Variants in MLIP observed in about 807,000 individuals in gnomAD.
MLIP encodes the protein muscular LMNA interacting protein, also known as muscular LMNA-interacting protein.
In MLIP, 79 loss-of-function variants were observed where a neutral mutation model predicts 84.8. The ratio of observed to expected loss-of-function variants is 0.93; its 90% CI spans 0.78 to 1.12. The LOEUF (loss-of-function observed/expected upper bound fraction) is 1.12. Ranked by LOEUF, MLIP falls within the 50% of genes most tolerant of loss-of-function variation. The pLI is 0.00. For missense variants in MLIP, 1,257 were observed against 1,160.6 expected, an observed-to-expected ratio of 1.08 and a Z score of -1.21; for synonymous variants, 504 against 463.0, an observed-to-expected ratio of 1.09 and a Z score of -1.14.
intron 12 of MLIP, among the ~76,000 whole-genome samples, chr6:54,249,667 G>T (rs1290721786): frequency 1.3e-5 from 2 of 151,122 alleles, no homozygotes; most frequent in Non-Finnish European, 2.9e-5. Flanking sequence ...CTATTCTCAA[G>T]CAGCTTGCAG....
intron 1 of MLIP, chr6:54,083,663 T>G: frequency 2.6e-6 from 4 of 1,524,958 alleles, no homozygotes; most frequent in Non-Finnish European, 2.6e-6. Context: ...ACTGTCACCC[T>G]GTTATACATT....
intron 9 of MLIP, among the ~76,000 whole-genome samples, chr6:54,181,350 C>T (rs542714595): frequency 5.3e-5 from 8 of 152,218 alleles, no homozygotes; most frequent in Non-Finnish European, 7.4e-5. Flanking sequence ...TCACTAAAAG[C>T]CCAAGGGCTC....
chr6:54,092,957 A>G (rs1767958557), intron 1 of MLIP, among the ~76,000 whole-genome samples: 1 of 151,980 alleles, frequency 6.6e-6, no homozygotes, highest in Non-Finnish European at 1.5e-5. Flanking sequence ...GCTTACTGCA[A>G]CCTCTGCCTC....
At chr6:54,083,637 AG>A (rs2150360799) in intron 1 of MLIP, 4 of 1,535,758 alleles carry the variant, frequency 2.6e-6, no homozygotes, top group Non-Finnish European at 3.5e-6. Context: ...TGACATTATT[AG>A]TACAATTCCT....
chr6:54,054,981 G>C (rs1419753567), intron 1 of MLIP, among the ~76,000 whole-genome samples: 1 of 151,520 alleles, frequency 6.6e-6, no homozygotes, highest in Non-Finnish European at 1.5e-5. Flanking sequence ...TCCGCCTCCT[G>C]GGTTCACGCC....
At chr6:54,163,657 C>T (rs1386006450) in intron 8 of MLIP, among the ~76,000 whole-genome samples, 1 of 151,850 alleles carries the variant, frequency 6.6e-6, no homozygotes, top group Admixed American at 6.6e-5. Flanking sequence ...TTTAATCAAC[C>T]TGTATATACA....
intron 1 of MLIP, among the ~76,000 whole-genome samples, chr6:54,081,660 G>A (rs968393496): frequency 5.3e-5 from 8 of 151,968 alleles, no homozygotes; most frequent in East Asian, 3.9e-4. Context: ...TGATCCACCC[G>A]CCCCGGCCTC....
At chr6:54,180,848 T>G (rs895412526) in intron 9 of MLIP, among the ~76,000 whole-genome samples, 15 of 152,170 alleles carry the variant, frequency 9.9e-5, no homozygotes, top group African/African-American at 3.6e-4. Context: ...TCTGGTGCCT[T>G]ATTTAGTTTG....
At chr6:54,118,813 A>T (rs1036037577) in intron 1 of MLIP, among the ~76,000 whole-genome samples, 1 of 152,132 alleles carries the variant, frequency 6.6e-6, no homozygotes. Context: ...ACCTCAAACA[A>T]CTCAATAGCA....
chr6:54,039,036 C>A (rs975248359), intron 1 of MLIP, among the ~76,000 whole-genome samples: 6 of 151,804 alleles, frequency 4.0e-5, no homozygotes, highest in African/African-American at 1.2e-4. Context: ...CACATAATCT[C>A]CACAGAAATC....
At chr6:54,053,306 A>G (rs1200686533) in intron 1 of MLIP, among the ~76,000 whole-genome samples, 1 of 152,222 alleles carries the variant, frequency 6.6e-6, no homozygotes, top group Non-Finnish European at 1.5e-5. Flanking sequence ...GCTCAGAACC[A>G]TAATTTTGGG....
intron 11 of MLIP, chr6:54,217,113 A>G: frequency 2.0e-6 from 2 of 985,456 alleles, no homozygotes; most frequent in Non-Finnish European, 2.4e-6. Context: ...GGAAGACAGG[A>G]TGGAGTGAAA....
intron 10 of MLIP, among the ~76,000 whole-genome samples, chr6:54,200,683 T>A (rs1418361577): frequency 4.0e-5 from 6 of 149,764 alleles, no homozygotes; most frequent in African/African-American, 1.5e-4. Flanking sequence ...CTCTATGGCA[T>A]GACTTCATGC....
At chr6:54,029,264 T>A (rs917544821) in intron 1 of MLIP, 1 of 152,180 alleles carries the variant, frequency 6.6e-6, no homozygotes, top group African/African-American at 2.4e-5. Context: ...AATAATCAAC[T>A]GATAGTATGA....
intron 11 of MLIP, among the ~76,000 whole-genome samples, chr6:54,227,903 G>T (rs982696621): frequency 6.6e-6 from 1 of 152,122 alleles, no homozygotes; most frequent in Non-Finnish European, 1.5e-5. Flanking sequence ...GGAGATCCAG[G>T]CCGGGCGCAG....
chr6:54,037,735 T>A (rs1375644487), intron 1 of MLIP, among the ~76,000 whole-genome samples: 2 of 151,910 alleles, frequency 1.3e-5, no homozygotes, highest in African/African-American at 4.8e-5. Context: ...AGAAAAGAGA[T>A]ACATGAGTCC....
intron 9 of MLIP, among the ~76,000 whole-genome samples, chr6:54,174,305 G>C (rs770080937): frequency 6.6e-6 from 1 of 151,800 alleles, no homozygotes; most frequent in Non-Finnish European, 1.5e-5. Context: ...TTCATTTTCT[G>C]AGGAACTTCC....
At chr6:54,190,443 T>C (rs1001056554) in intron 10 of MLIP, among the ~76,000 whole-genome samples, 1 of 152,192 alleles carries the variant, frequency 6.6e-6, no homozygotes, top group African/African-American at 2.4e-5. Context: ...GAACAGGTAA[T>C]GTTAATTTTC....
intron 1 of MLIP, among the ~76,000 whole-genome samples, chr6:54,057,144 A>G (rs9382281): frequency 0.11 from 17,487 of 152,216 alleles, 1,401 homozygotes; most frequent in East Asian, 0.33. Flanking sequence ...AAGCACTGAG[A>G]AATTAAATGA....
Sources: allele counts gnomAD v4.1 joint callset (sites outside exome capture counted in the v4.1 genomes callset), GRCh38; gene constraint gnomAD v4.1.1; transcripts MANE v1.5; gene names NCBI Gene and HGNC (gene_info 2026-07-23, HGNC 2026-07-21).